ITPKC: variants seen among roughly 807,000 people sequenced by gnomAD.
ITPKC encodes IP3 3-kinase C.
Under a neutral mutation model 67.1 loss-of-function variants are expected in ITPKC, and 33 were observed. That is an observed-to-expected ratio of 0.49 (90% CI 0.37 to 0.66). The LOEUF is 0.66. Ranked by LOEUF, ITPKC falls within the 30% of genes least tolerant of loss-of-function variation. The pLI is 0.00. For synonymous variants in ITPKC, 341 were observed against 359.8 expected (o/e 0.95, Z 0.59); for missense variants, 820 against 892.1 (o/e 0.92, Z 1.03).
chr19:40,725,736 C>G (rs2082243863), intron 2 of ITPKC, among the ~76,000 whole-genome samples: 1 of 152,196 alleles, frequency 6.6e-6, no homozygotes, highest in African/African-American at 2.4e-5. Context: ...TGGGCCTCAG[C>G]TGCCCCATCT....
In ITPKC at chr19:40,718,131, TACCCCTGAG is replaced by T. The variant is rs1186550547; in HGVS notation, c.1006_1014del (p.Thr336_Glu338del). On this transcript the variant is annotated inframe_deletion, in exon 1 of 7. Coordinates refer to ENST00000263370, the MANE Select transcript of ITPKC (RefSeq NM_025194.3). ...TGTGCCCTGTGCCCCGCCTCATCAT[TACCCCTGAG>T]ACCCCTGAGCCTGAGGCCCAGCCAG... is the stretch of plus-strand genomic sequence containing the variant. 7 of 1,610,292 alleles carry T rather than the reference TACCCCTGAG, an allele frequency of 4.3e-6. No homozygotes were observed. The Admixed American group carries it at 6.7e-5, about 15-fold the overall frequency.
Position 40,740,245 on chromosome 19 carries a change from AC to A in ITPKC, c.*688del, listed in dbSNP as rs1388534548. The A allele has an allele frequency of 6.5e-6, 1 of 152,970 alleles. No individual in the cohort carries two copies. The highest frequency in any genetic ancestry group is 1.5e-5 in the Non-Finnish European group (1 of 68,436). 9.5% of individuals were successfully genotyped at this position (152,970 alleles called of 1,614,324 possible). ...GGCGGACTCTGCTGACCTCCTGCAGACCCAAACCACAGCCACATCCCAGCTT... is the reference window on the plus strand; with the variant it reads ...GGCGGACTCTGCTGACCTCCTGCAGACCAAACCACAGCCACATCCCAGCTT... On this transcript the variant is annotated 3_prime_UTR_variant, in exon 7 of 7. Transcript: ENST00000263370.
rs79914465 is a variant in ITPKC at position 40,733,381 on chromosome 19, G to A, written c.1674+17G>A. 4.3e-3 allele frequency: 6,922 copies of A among 1,593,308 alleles called. 219 individuals carry two copies. The African/African-American group carries it at 0.075, about 17-fold the overall frequency. On this transcript the variant is annotated intron_variant, in intron 4 of 6. Transcript: ENST00000263370. Reference sequence around the variant, plus strand: ...GGCATCAAGGTGAGGACCAGGAACCGCCTGGCCTGTCCCGGGAAGGCCTAT... The same window carrying A: ...GGCATCAAGGTGAGGACCAGGAACCACCTGGCCTGTCCCGGGAAGGCCTAT...
Position 40,729,382 on chromosome 19 carries a change from G to T in ITPKC, c.1436G>T (p.Gly479Val), listed in dbSNP as rs376093815. The part of the protein sequence containing the change: ...QMEDLLADFE[G>V]PSIMDCKMGS... ...GAAGACCTCCTGGCTGACTTTGAGG[G>T]CCCCTCCATTATGGACTGCAAGATG... The change falls in exon 3 of 7, where the codon GGC (glycine) becomes GTC (valine). Residue 479 changes from glycine to valine, a missense_variant. Coordinates refer to ENST00000263370, the MANE Select transcript of ITPKC (RefSeq NM_025194.3). 4.3e-5 allele frequency: 69 copies of T among 1,613,536 alleles called. No homozygotes were observed. The highest frequency in any genetic ancestry group is 5.5e-5 in the Non-Finnish European group (65 of 1,179,862).
chr19:40,736,848 A>G lies in ITPKC; in HGVS notation c.1675-138A>G, dbSNP rs533680776. On this transcript the variant is annotated intron_variant, in intron 4 of 6. Coordinates refer to ENST00000263370, the MANE Select transcript of ITPKC (RefSeq NM_025194.3). ...ACCAGAATTTTTTTTTTTTTTAAAT[A>G]GAGATGGGGTCTTGCTGTGTTGCCC... The G allele has an allele frequency of 2.4e-4, 121 of 498,780 alleles. 1 individual carries two copies. In the South Asian group the frequency reaches 2.7e-3, roughly 11 times the overall value. The allele number at this position is 498,780 out of a possible 1,614,324, so 30.9% of individuals were successfully genotyped here.
At chr19:40,718,444 A>G (rs566962588) in intron 1 of ITPKC, among the ~76,000 whole-genome samples, 154 bp downstream of exon 1, 1 of 152,208 alleles carries the variant, frequency 6.6e-6, no homozygotes, top group East Asian at 1.9e-4. Context: ...CCTCCCTCTG[A>G]CAGCCAGGTT....
In ITPKC at chr19:40,738,069, G is replaced by A. The variant is rs565051216; in HGVS notation, c.1848+300G>A. 1.4e-3 allele frequency among the ~76,000 whole-genome samples: 217 copies of A among 151,566 alleles called. 1 individual carries two copies. The highest frequency in any genetic ancestry group is 2.2e-3 in the Non-Finnish European group (150 of 67,906). ...AGCACTTTGGGAGGCTGAGGCGGGCGGATCACTTGAGGTCGGGAGTTTGAG... is the reference window on the plus strand; with the variant it reads ...AGCACTTTGGGAGGCTGAGGCGGGCAGATCACTTGAGGTCGGGAGTTTGAG... On this transcript the variant is annotated intron_variant, in intron 6 of 6. Transcript: ENST00000263370.
chr19:40,722,863 C>T (rs867277516), intron 1 of ITPKC, among the ~76,000 whole-genome samples: 81 of 151,912 alleles, frequency 5.3e-4, no homozygotes, highest in Admixed American at 3.3e-3. Context: ...TGCAGCCTCA[C>T]CCTCCAGGGC....
At chr19:40,720,596 A>G (rs189024073) in intron 1 of ITPKC, among the ~76,000 whole-genome samples, 215 of 151,892 alleles carry the variant, frequency 1.4e-3, no homozygotes, top group African/African-American at 5.1e-3. Context: ...ATCTGCCTCC[A>G]TGGCCCAGCT....
intron 2 of ITPKC, among the ~76,000 whole-genome samples, chr19:40,728,476 A>G (rs950704509): frequency 9.9e-5 from 15 of 152,240 alleles, no homozygotes; most frequent in Non-Finnish European, 2.2e-4. Flanking sequence ...TGCGTGGTCC[A>G]GGAAATGCTT....
At chr19:40,738,162 C>T (rs1420055407) in intron 6 of ITPKC, among the ~76,000 whole-genome samples, 1 of 152,062 alleles carries the variant, frequency 6.6e-6, no homozygotes, top group Non-Finnish European at 1.5e-5. Flanking sequence ...GGTGCGGTGG[C>T]TCATGCCTGT....
At chr19:40,722,000 CAA>C (rs5828078) in intron 1 of ITPKC, among the ~76,000 whole-genome samples, 2 of 142,612 alleles carry the variant, frequency 1.4e-5, no homozygotes, top group South Asian at 2.2e-4. Context: ...GATCCTGTCT[CAA>C]AAAAAAAAAA....
At chr19:40,718,720 T>G (rs532389335) in intron 1 of ITPKC, among the ~76,000 whole-genome samples, 17 of 152,282 alleles carry the variant, frequency 1.1e-4, no homozygotes, top group Non-Finnish European at 1.9e-4. Flanking sequence ...TTTCTTAATC[T>G]GGGGCCTGTG....
At chr19:40,718,413 A>C in intron 1 of ITPKC, 123 bp downstream of exon 1, 4 of 1,258,262 alleles carry the variant, frequency 3.2e-6, no homozygotes, top group Non-Finnish European at 2.1e-6. Context: ...ATCTCCGGGA[A>C]CCTCTTCCAT....
Position 40,733,179 on chromosome 19 carries a change from C to G in ITPKC, c.1489C>G (p.Leu497Val). 1 of 1,614,164 alleles carries G rather than the reference C, an allele frequency of 6.2e-7. No homozygotes were observed. The highest frequency in any genetic ancestry group is 1.3e-5 in the African/African-American group (1 of 75,040). Residue 497 changes from leucine to valine, a missense_variant, in exon 4 of 7, where the codon CTA becomes GTA. Leu to Val is a conservative substitution (Grantham distance 32). Coordinates refer to ENST00000263370, the MANE Select transcript of ITPKC (RefSeq NM_025194.3). ...MGSRTYLEEE[L>V]VKARERPRPR... ...GCTCAGGACCTATCTGGAAGAGGAG[C>G]TAGTGAAGGCACGGGAACGTCCCCG...
In ITPKC at chr19:40,728,070, T is replaced by G. The variant is rs553109597; in HGVS notation, c.1256-1132T>G. 2.2e-3 allele frequency among the ~76,000 whole-genome samples: 331 copies of G among 152,320 alleles called. 2 individuals are homozygous for G. The highest frequency in any genetic ancestry group is 7.5e-3 in the African/African-American group (313 of 41,564). On this transcript the variant is annotated intron_variant, in intron 2 of 6. Transcript: ENST00000263370. ...TCTGAGACCCACTGTGATCAGGAGA[T>G]ACTGTTGTAGCCAACTTTGGAAAAT...
chr19:40,738,713 C>G (rs537315736), intron 6 of ITPKC, among the ~76,000 whole-genome samples: 1 of 152,208 alleles, frequency 6.6e-6, no homozygotes, highest in Non-Finnish European at 1.5e-5. Flanking sequence ...GTACCAAGCA[C>G]TGTCTTAAGC....
intron 2 of ITPKC, among the ~76,000 whole-genome samples, chr19:40,728,469 G>A (rs80236497): frequency 0.011 from 1,666 of 152,252 alleles, 22 homozygotes; most frequent in African/African-American, 0.038. Flanking sequence ...TACACTCTGC[G>A]TGGTCCAGGA....
Position 40,739,692 on chromosome 19 carries a change from A to G in ITPKC, c.*132A>G. 1 of 745,514 alleles carries G rather than the reference A, an allele frequency of 1.3e-6. No individual in the cohort carries two copies. Among genetic ancestry groups the G allele is most frequent in the Non-Finnish European group, 2.2e-6 (1 of 463,740 alleles). The allele number at this position is 745,514 out of a possible 1,614,324, so 46.2% of individuals were successfully genotyped here. On this transcript the variant is annotated 3_prime_UTR_variant, in exon 7 of 7. Transcript: ENST00000263370. ...GACGGGAGAGATTGTGTCATGTGCC[A>G]CACGAGACCAACGTGGAAAAGTCTG...
Sources: allele counts gnomAD v4.1 joint callset (sites outside exome capture counted in the v4.1 genomes callset), GRCh38; gene constraint gnomAD v4.1.1; transcripts MANE v1.5; gene names NCBI Gene and HGNC (gene_info 2026-07-23, HGNC 2026-07-21).